The following TCF4 variants were observed in gnomAD, a reference collection of about 807,000 sequenced individuals.
TCF4 encodes transcription factor 4, also known as SL3-3 enhancer factor 2.
In TCF4, 3 loss-of-function variants were observed where a neutral mutation model predicts 82.1. The ratio of observed to expected loss-of-function variants is 0.04; its 90% CI spans 0.02 to 0.09. The LOEUF (loss-of-function observed/expected upper bound fraction) is 0.09. TCF4 is among the 10% of genes least tolerant of loss of function. The pLI is 1.00. For missense variants in TCF4, 518 were observed against 852.7 expected (o/e 0.61, Z 4.89); for synonymous variants, 276 against 309.6 (o/e 0.89, Z 1.14).
chr18:55,397,429 A>G (rs2093565957), intron 6 of TCF4, among the ~76,000 whole-genome samples: 1 of 152,336 alleles, frequency 6.6e-6, no homozygotes, highest in South Asian at 2.1e-4. Flanking sequence ...AGTCACTATC[A>G]TTCAAACAAA....
intron 6 of TCF4, among the ~76,000 whole-genome samples, chr18:55,373,598 A>G (rs1478488943): frequency 6.6e-6 from 1 of 152,094 alleles, no homozygotes; most frequent in Non-Finnish European, 1.5e-5. Context: ...AGATCAGTTG[A>G]GGTCAGGAAT....
intron 3 of TCF4, among the ~76,000 whole-genome samples, chr18:55,488,100 A>G (rs1244213845): frequency 2.0e-5 from 3 of 152,266 alleles, no homozygotes; most frequent in Non-Finnish European, 4.4e-5. Context: ...ATAAACAAAC[A>G]AAACTATTCT....
intron 11 of TCF4, chr18:55,266,534 G>C (rs1238897178): frequency 6.6e-6 from 1 of 151,984 alleles, no homozygotes; most frequent in African/African-American, 2.4e-5. Context: ...TTTCAATTCA[G>C]AAAGGTCTAA....
chr18:55,491,356 C>A (rs1051941556), intron 3 of TCF4, among the ~76,000 whole-genome samples: 2 of 152,128 alleles, frequency 1.3e-5, no homozygotes, highest in African/African-American at 2.4e-5. Flanking sequence ...AGGATACACA[C>A]ACAGCAATCC....
intron 5 of TCF4, among the ~76,000 whole-genome samples, chr18:55,418,791 T>C (rs2094615521): frequency 6.6e-6 from 1 of 152,188 alleles, no homozygotes; most frequent in South Asian, 2.1e-4. Context: ...CAGTTTTACT[T>C]ATGTGCAAGT....
chr18:55,433,501 T>A (rs2095256138), intron 5 of TCF4, among the ~76,000 whole-genome samples: 1 of 152,224 alleles, frequency 6.6e-6, no homozygotes, highest in Non-Finnish European at 1.5e-5. Flanking sequence ...ACGGATTTAC[T>A]TTGCTGTTAT....
At chr18:55,413,381 C>T (rs2094423220) in intron 5 of TCF4, among the ~76,000 whole-genome samples, 1 of 152,066 alleles carries the variant, frequency 6.6e-6, no homozygotes, top group Non-Finnish European at 1.5e-5. Context: ...AAAACACATT[C>T]CAAGGAAGAC....
chr18:55,334,474 T>C (rs1345922768), intron 8 of TCF4, among the ~76,000 whole-genome samples: 2 of 151,980 alleles, frequency 1.3e-5, no homozygotes, highest in Admixed American at 6.6e-5. Context: ...ATTTAAAGCA[T>C]TAAAAACTCT....
At chr18:55,576,830 G>A (rs760344875) in intron 3 of TCF4, among the ~76,000 whole-genome samples, 6 of 151,826 alleles carry the variant, frequency 4.0e-5, no homozygotes, top group South Asian at 4.1e-4. Context: ...ACACAAACTC[G>A]TGAACTTTCT....
chr18:55,303,685 A>G (rs1050854381), intron 8 of TCF4, among the ~76,000 whole-genome samples: 1 of 152,234 alleles, frequency 6.6e-6, no homozygotes, highest in Admixed American at 6.5e-5. Flanking sequence ...GGATTTGAGG[A>G]TAAAATAATG....
intron 3 of TCF4, among the ~76,000 whole-genome samples, chr18:55,466,570 T>C (rs2096025945): frequency 6.6e-6 from 1 of 152,148 alleles, no homozygotes; most frequent in Admixed American, 6.6e-5. Context: ...AGCCCTGTGC[T>C]AGAGCAAAAG....
intron 2 of TCF4, among the ~76,000 whole-genome samples, chr18:55,620,075 G>A (rs1222073608): frequency 2.0e-5 from 3 of 152,090 alleles, no homozygotes; most frequent in Non-Finnish European, 2.9e-5. Context: ...ATAAATGTTT[G>A]GTAGTTCTTC....
At chr18:55,514,430 CACACACACACACACA>C (rs2096859721) in intron 3 of TCF4, among the ~76,000 whole-genome samples, 1 of 151,894 alleles carries the variant, frequency 6.6e-6, no homozygotes, top group Non-Finnish European at 1.5e-5. Context: ...CACACACACA[CACACACACACACACA>C]CCCCAATCAT....
intron 2 of TCF4, among the ~76,000 whole-genome samples, chr18:55,629,991 C>T (rs924322954): frequency 6.6e-6 from 1 of 152,078 alleles, no homozygotes; most frequent in African/African-American, 2.4e-5. Context: ...ATGTATCATT[C>T]GTAGGGAATT....
chr18:55,352,917 A>G (rs1454832439), intron 6 of TCF4, among the ~76,000 whole-genome samples: 1 of 152,162 alleles, frequency 6.6e-6, no homozygotes, highest in East Asian at 1.9e-4. Context: ...ACCTCCTTAC[A>G]GTTTGGTAAA....
chr18:55,280,992 G>A (rs2062486130), intron 8 of TCF4, among the ~76,000 whole-genome samples: 1 of 151,930 alleles, frequency 6.6e-6, no homozygotes, highest in Non-Finnish European at 1.5e-5. Flanking sequence ...GGGAGGTCCT[G>A]GAGCTTTAAC....
At chr18:55,519,693 T>C (rs1375069107) in intron 3 of TCF4, among the ~76,000 whole-genome samples, 2 of 152,190 alleles carry the variant, frequency 1.3e-5, no homozygotes, top group African/African-American at 2.4e-5. Context: ...TGAATTGAGA[T>C]ACTCTAGGAC....
intron 5 of TCF4, among the ~76,000 whole-genome samples, chr18:55,442,334 T>C (rs1465063326): frequency 6.6e-6 from 1 of 152,230 alleles, no homozygotes; most frequent in Non-Finnish European, 1.5e-5. Flanking sequence ...AATTTGATTT[T>C]TAAAACAAAG....
chr18:55,525,003 C>T (rs149639408), intron 3 of TCF4, among the ~76,000 whole-genome samples: 9 of 152,274 alleles, frequency 5.9e-5, no homozygotes, highest in Non-Finnish European at 1.0e-4. Context: ...AGGTCTTCCT[C>T]CATCTCTGGC....
Sources: allele counts gnomAD v4.1 joint callset (sites outside exome capture counted in the v4.1 genomes callset), GRCh38; gene constraint gnomAD v4.1.1; transcripts MANE v1.5; gene names NCBI Gene and HGNC (gene_info 2026-07-23, HGNC 2026-07-21).